The following SLC44A3 variants were observed in gnomAD, a reference collection of about 807,000 sequenced individuals.
The protein encoded by SLC44A3 is choline transporter-like protein 3.
SLC44A3 carries 74 observed loss-of-function variants against 75.4 expected under a neutral mutation model. The ratio of observed to expected loss-of-function variants is 0.98; its 90% CI spans 0.81 to 1.19. The LOEUF is 1.19. Among genes scored for constraint, SLC44A3 ranks in the 50% most tolerant of loss-of-function variants. The probability of loss-of-function intolerance (pLI) is 0.00; values close to 1 mark genes in which losing one functional copy is unlikely to be tolerated. For missense variants in SLC44A3, 700 were observed against 778.6 expected, an observed-to-expected ratio of 0.90 and a Z score of 1.20; for synonymous variants, 310 against 296.9, an observed-to-expected ratio of 1.04 and a Z score of -0.45.
chr1:94,831,278 G>C (rs1452509499), intron 5 of SLC44A3, among the ~76,000 whole-genome samples: 2 of 152,176 alleles, frequency 1.3e-5, no homozygotes, highest in African/African-American at 4.8e-5. Context: ...GAAAGAGAGA[G>C]AGAAATAGCC....
intron 9 of SLC44A3, among the ~76,000 whole-genome samples, chr1:94,851,214 G>A (rs957804223): frequency 6.6e-6 from 1 of 151,912 alleles, no homozygotes; most frequent in Non-Finnish European, 1.5e-5. Flanking sequence ...AAATTTCTCA[G>A]CCATACTTAG....
chr1:94,861,508 A>G (rs1449676990), intron 10 of SLC44A3, among the ~76,000 whole-genome samples: 2 of 152,216 alleles, frequency 1.3e-5, no homozygotes, highest in African/African-American at 4.8e-5. Context: ...TTTACATATT[A>G]CTTTGATTAA....
At chr1:94,884,822 C>A (rs1669387876) in intron 12 of SLC44A3, among the ~76,000 whole-genome samples, 1 of 152,182 alleles carries the variant, frequency 6.6e-6, no homozygotes, top group Admixed American at 6.5e-5. Context: ...AACGCTCTTT[C>A]TATGTTAAAG....
chr1:94,841,242 C>G (rs1663598823), intron 7 of SLC44A3, among the ~76,000 whole-genome samples: 1 of 152,192 alleles, frequency 6.6e-6, no homozygotes, highest in Admixed American at 6.5e-5. Flanking sequence ...CATGAACCAC[C>G]ATCATATATG....
At position 94,840,038 on chromosome 1, in the gene SLC44A3, G is replaced by GT; in HGVS notation, c.760+2dup. On this transcript the variant is annotated splice_donor_variant, in intron 7 of 14. Coordinates refer to ENST00000271227, the MANE Select transcript of SLC44A3 (RefSeq NM_001114106.3). LOFTEE classifies it high-confidence loss of function. ...TCATTGGTTATTTTGGGATTGTTGT[G>GT]TAAGTATTTCTCTACTTGACTGATT... 6.2e-7 allele frequency: 1 copy of GT among 1,608,626 alleles called. No homozygotes were observed. The highest frequency in any genetic ancestry group is 8.5e-7 in the Non-Finnish European group (1 of 1,175,044).
chr1:94,876,001 T>C (rs990621476), intron 12 of SLC44A3, among the ~76,000 whole-genome samples: 1 of 152,192 alleles, frequency 6.6e-6, no homozygotes, highest in African/African-American at 2.4e-5. Context: ...GAAAACACTG[T>C]GTTCTGATGA....
chr1:94,864,912 C>A lies in SLC44A3; in HGVS notation c.1395+13C>A. 1 of 1,612,246 alleles carries A rather than the reference C, an allele frequency of 6.2e-7. No homozygotes were observed. The highest frequency in any genetic ancestry group is 8.5e-7 in the Non-Finnish European group (1 of 1,179,244). On this transcript the variant is annotated intron_variant, in intron 11 of 14. Coordinates refer to ENST00000271227, the MANE Select transcript of SLC44A3 (RefSeq NM_001114106.3). ...ACTGAAAGAACAGGTAAGGCTACCT[C>A]CTGATACACAGCACGTTCTGTGTTT...
At chr1:94,867,297 T>C (rs908296932) in intron 11 of SLC44A3, 34 bp from the exon 12 acceptor site, 3 of 1,508,976 alleles carry the variant, frequency 2.0e-6, no homozygotes, top group Non-Finnish European at 2.7e-6. Context: ...TGTGTTGTTT[T>C]TGACTCTGTT....
intron 9 of SLC44A3, among the ~76,000 whole-genome samples, chr1:94,847,302 C>T (rs1320726115): frequency 2.6e-5 from 4 of 152,190 alleles, no homozygotes; most frequent in African/African-American, 4.8e-5. Context: ...CTTGCTTCCA[C>T]CTCATAGTGA....
At chr1:94,858,026 A>C (rs533221449) in intron 10 of SLC44A3, among the ~76,000 whole-genome samples, 15 of 151,830 alleles carry the variant, frequency 9.9e-5, no homozygotes, top group Non-Finnish European at 1.8e-4. Flanking sequence ...GTTGGCCAGG[A>C]TGGTCTTGAT....
intron 4 of SLC44A3, among the ~76,000 whole-genome samples, chr1:94,827,941 G>T (rs938075239): frequency 6.6e-6 from 1 of 152,114 alleles, no homozygotes; most frequent in African/African-American, 2.4e-5. Context: ...AGACCCAAAG[G>T]CGGTGTCAGA....
chr1:94,872,753 A>G (rs889939809), intron 12 of SLC44A3, among the ~76,000 whole-genome samples: 21 of 152,380 alleles, frequency 1.4e-4, no homozygotes, highest in African/African-American at 4.3e-4. Flanking sequence ...AGCTGGGGGC[A>G]TGCACAGTGC....
chr1:94,842,998 C>A (rs574316651), intron 8 of SLC44A3: 1 of 152,226 alleles, frequency 6.6e-6, no homozygotes, highest in Admixed American at 6.5e-5. Flanking sequence ...AAGTAAAGCA[C>A]CTGGTTGCTC....
intron 10 of SLC44A3, 30 bp downstream of exon 10, chr1:94,857,530 T>A: frequency 6.3e-7 from 1 of 1,595,556 alleles, no homozygotes; most frequent in Non-Finnish European, 8.5e-7. Flanking sequence ...TCTATTGGTT[T>A]GTCTATGTGG....
Position 94,857,393 on chromosome 1 carries a change from G to A in SLC44A3, c.1131G>A (p.Arg377=), listed in dbSNP as rs35405772. 15,812 of 1,613,842 alleles carry A rather than the reference G, an allele frequency of 9.8e-3. 99 individuals carry two copies. The highest frequency in any genetic ancestry group is 0.012 in the Non-Finnish European group (13,574 of 1,179,880). The change falls in exon 10 of 15, where the codon CGG becomes CGA. Residue 377 remains arginine, a synonymous_variant. Transcript: ENST00000271227. ...AATATAAGCCCCTTTCGGGCATTCG[G>A]TACATGTGGTCGTACCATTTAATTG... ...QVEYKPLSGI[R]YMWSYHLIGL...
chr1:94,882,961 T>C (rs1304984350), intron 12 of SLC44A3, among the ~76,000 whole-genome samples: 1 of 150,130 alleles, frequency 6.7e-6, no homozygotes, highest in Non-Finnish European at 1.5e-5. Context: ...ATCAATTGAA[T>C]TTGGGTTTCA....
At chr1:94,856,784 G>A (rs1362215614) in intron 9 of SLC44A3, among the ~76,000 whole-genome samples, 1 of 151,996 alleles carries the variant, frequency 6.6e-6, no homozygotes, top group Non-Finnish European at 1.5e-5. Context: ...AGGCTGGAGT[G>A]CAGTGGCGTG....
At position 94,889,468 on chromosome 1, in the gene SLC44A3, T is replaced by A. The variant is rs371321773; in HGVS notation, c.1483-1662T>A. On this transcript the variant is annotated intron_variant, in intron 12 of 14. Transcript: ENST00000271227. ...CATAAATGGTCTTGAAATGTAGTCA[T>A]AAGGGGAAGGTATTTTGGAAAAAAT... is the stretch of plus-strand genomic sequence containing the variant. The A allele has an allele frequency of 1.1e-4, 17 of 151,722 alleles. 1 individual carries two copies. Among genetic ancestry groups the A allele is most frequent in the Admixed American group, 8.5e-4 (13 of 15,214 alleles). 9.4% of individuals were successfully genotyped at this position (151,722 alleles called of 1,614,324 possible).
In SLC44A3 at chr1:94,892,501, T is replaced by C. The variant is rs907351983; in HGVS notation, c.1841T>C (p.Met614Thr). 6.2e-7 allele frequency: 1 copy of C among 1,613,860 alleles called. No homozygotes were observed. Among genetic ancestry groups the C allele is most frequent in the African/African-American group, 1.3e-5 (1 of 74,914 alleles). The change falls in exon 14 of 15, where the codon ATG becomes ACG. Residue 614 changes from methionine (M) to threonine (T), a missense_variant. Met to Thr is a moderately conservative substitution (Grantham distance 81). Coordinates refer to ENST00000271227, the MANE Select transcript of SLC44A3 (RefSeq NM_001114106.3). ...GGATCGTCAGAAAAGCCCTACTTTA[T>C]GGATCAAGAATTTCTGGTAAGCAAA... ...NDGSSEKPYFMDQEFLSFVKR... is the reference protein window; with the variant it reads ...NDGSSEKPYFTDQEFLSFVKR...
Sources: gnomAD v4.1 joint callset for allele counts (sites outside exome capture counted in the v4.1 genomes callset) on GRCh38, gnomAD v4.1.1 for gene constraint, MANE v1.5 for transcripts, NCBI Gene and HGNC (gene_info 2026-07-23, HGNC 2026-07-21) for gene names.